Variants in EFNB2 observed in about 807,000 individuals in gnomAD.
EFNB2 encodes the protein ephrin-B2.
EFNB2 carries 5 observed loss-of-function variants against 32.1 expected under a neutral mutation model. That is an observed-to-expected ratio of 0.16 (90% confidence interval 0.08 to 0.33). The LOEUF is 0.33. Ranked by LOEUF, EFNB2 falls within the 10% of genes least tolerant of loss-of-function variation. The pLI is 1.00. For synonymous variants in EFNB2, 168 were observed against 166.5 expected (o/e 1.01, Z -0.07); for missense variants, 263 against 422.6 (o/e 0.62, Z 3.31).
intron 2 of EFNB2, among the ~76,000 whole-genome samples, chr13:106,501,932 T>A (rs972086533): frequency 6.6e-6 from 1 of 152,190 alleles, no homozygotes; most frequent in Non-Finnish European, 1.5e-5. Context: ...TTAGCAAAGT[T>A]AATTTAAACA....
chr13:106,512,075 T>C (rs938900436), intron 2 of EFNB2, among the ~76,000 whole-genome samples: 31 of 152,274 alleles, frequency 2.0e-4, no homozygotes, highest in African/African-American at 6.7e-4. Context: ...GAAAACATGC[T>C]ATTTTACCAC....
At chr13:106,511,943 G>C (rs1177194776) in intron 2 of EFNB2, among the ~76,000 whole-genome samples, 1 of 152,132 alleles carries the variant, frequency 6.6e-6, no homozygotes, top group African/African-American at 2.4e-5. Context: ...ATGCAAAAAA[G>C]AGTAATGTAC....
intron 2 of EFNB2, among the ~76,000 whole-genome samples, chr13:106,504,846 G>C (rs2138911851): frequency 6.6e-6 from 1 of 152,264 alleles, no homozygotes; most frequent in Non-Finnish European, 1.5e-5. Context: ...GTATGTTTGA[G>C]AGATTTTTAT....
chr13:106,502,799 C>T (rs1878824727), intron 2 of EFNB2, among the ~76,000 whole-genome samples: 1 of 152,044 alleles, frequency 6.6e-6, no homozygotes, highest in African/African-American at 2.4e-5. Context: ...CTATACAGAC[C>T]TGGAAAGCTA....
At chr13:106,509,971 C>T (rs920737885) in intron 2 of EFNB2, 5 of 152,196 alleles carry the variant, frequency 3.3e-5, no homozygotes, top group Non-Finnish European at 5.9e-5. Flanking sequence ...TGGCAAACTT[C>T]TTAGCCCTGA....
chr13:106,522,077 C>T (rs964016315), intron 1 of EFNB2, among the ~76,000 whole-genome samples: 1 of 151,586 alleles, frequency 6.6e-6, no homozygotes, highest in Non-Finnish European at 1.5e-5. Flanking sequence ...CACACACGCA[C>T]CCCAAAAAAA....
At chr13:106,534,798 C>T in intron 1 of EFNB2, 45 bp downstream of exon 1, 2 of 1,572,478 alleles carry the variant, frequency 1.3e-6, no homozygotes, top group Admixed American at 1.8e-5. Flanking sequence ...GACGGCGCGG[C>T]GGACCCCGGG....
chr13:106,503,765 A>G (rs1323099441), intron 2 of EFNB2, among the ~76,000 whole-genome samples: 3 of 131,488 alleles, frequency 2.3e-5, no homozygotes, highest in South Asian at 2.2e-4. Flanking sequence ...CCATGTCTTG[A>G]AAAAAAAAAA....
intron 2 of EFNB2, among the ~76,000 whole-genome samples, chr13:106,511,055 T>C (rs28662922): frequency 0.036 from 5,451 of 152,234 alleles, 333 homozygotes; most frequent in African/African-American, 0.12. Context: ...AATACATTGT[T>C]AGGCTTCCAA....
intron 1 of EFNB2, chr13:106,520,237 C>T (rs2138931687): frequency 6.6e-6 from 1 of 152,196 alleles, no homozygotes; most frequent in African/African-American, 2.4e-5. Context: ...GTACTTTTTC[C>T]ATAAAAGGCT....
Position 106,512,056 on chromosome 13 carries a change from C to T in EFNB2, c.406+473G>A, listed in dbSNP as rs1367710672. Among the ~76,000 whole-genome samples, 3 of 152,154 alleles carry T rather than the reference C, an allele frequency of 2.0e-5. No individual in the cohort carries two copies. The South Asian group carries it at 6.2e-4, about 31-fold the overall frequency. On this transcript the variant is annotated intron_variant, in intron 2 of 4. Transcript: ENST00000646441. Reference sequence around the variant, plus strand: ...AGCTCCATCTTCTCTAGACTGTTAACTTCTTGAGGAAAACATGCTATTTTA... The same window carrying T: ...AGCTCCATCTTCTCTAGACTGTTAATTTCTTGAGGAAAACATGCTATTTTA...
intron 1 of EFNB2, among the ~76,000 whole-genome samples, chr13:106,523,256 G>A (rs1879594017): frequency 6.6e-6 from 1 of 152,144 alleles, no homozygotes; most frequent in South Asian, 2.1e-4. Context: ...AAATCAGACT[G>A]GGTTCCTGAC....
chr13:106,510,577 G>A (rs1879110445), intron 2 of EFNB2, among the ~76,000 whole-genome samples: 1 of 152,136 alleles, frequency 6.6e-6, no homozygotes, highest in African/African-American at 2.4e-5. Flanking sequence ...TCTCTAGTGT[G>A]TCCCCTCTTC....
At chr13:106,530,701 T>C (rs1188584420) in intron 1 of EFNB2, among the ~76,000 whole-genome samples, 1 of 152,206 alleles carries the variant, frequency 6.6e-6, no homozygotes, top group Non-Finnish European at 1.5e-5. Flanking sequence ...GCAGTCACGC[T>C]GGGATCTCGA....
chr13:106,531,838 C>T (rs1223662880), intron 1 of EFNB2, among the ~76,000 whole-genome samples: 2 of 152,076 alleles, frequency 1.3e-5, no homozygotes, highest in African/African-American at 2.4e-5. Context: ...ATGGTAACCC[C>T]AGACATAAGG....
chr13:106,496,057 GCTAT>G (rs1878579119), intron 2 of EFNB2, among the ~76,000 whole-genome samples: 1 of 152,184 alleles, frequency 6.6e-6, no homozygotes, highest in Admixed American at 6.5e-5. Flanking sequence ...CCGCACGTAT[GCTAT>G]CTGACTCCAA....
In EFNB2 at chr13:106,535,016, G is replaced by A. The variant is rs1381532154; in HGVS notation, c.-52C>T. 6 of 1,604,012 alleles carry A rather than the reference G, an allele frequency of 3.7e-6. No homozygotes were observed. The Admixed American group carries it at 5.1e-5, about 14-fold the overall frequency. ...CTCCGGGCCAAGAAGGGACTGACGG[G>A]ACGCAGGCTGGGACCCCCAATCCTC... On this transcript the variant is annotated 5_prime_UTR_variant, in exon 1 of 5. Transcript: ENST00000646441.
At position 106,490,982 on chromosome 13, in the gene EFNB2, A is replaced by C. The variant is rs1352119942; in HGVS notation, c.*2058T>G. 6.6e-6 allele frequency: 1 copy of C among 152,496 alleles called. No individual in the cohort carries two copies. Among genetic ancestry groups the C allele is most frequent in the African/African-American group, 2.4e-5 (1 of 41,390 alleles). 9.4% of individuals were successfully genotyped at this position (152,496 alleles called of 1,614,324 possible). On this transcript the variant is annotated 3_prime_UTR_variant, in exon 5 of 5. Transcript: ENST00000646441. ...CCAATTCAGAAAGCAAAGTGTTACCATAGTAACAGGACTATGTTAAAGATG... is the reference window on the plus strand; with the variant it reads ...CCAATTCAGAAAGCAAAGTGTTACCCTAGTAACAGGACTATGTTAAAGATG...
At chr13:106,522,092 C>T (rs1436276681) in intron 1 of EFNB2, among the ~76,000 whole-genome samples, 1 of 151,440 alleles carries the variant, frequency 6.6e-6, no homozygotes, top group Non-Finnish European at 1.5e-5. Flanking sequence ...AAAAAATCAG[C>T]CTATGAATTT....
Sources: gnomAD v4.1 joint callset for allele counts (sites outside exome capture counted in the v4.1 genomes callset) on GRCh38, gnomAD v4.1.1 for gene constraint, MANE v1.5 for transcripts, NCBI Gene and HGNC (gene_info 2026-07-23, HGNC 2026-07-21) for gene names.